The following HS3ST4 variants were observed in gnomAD, a reference collection of about 807,000 sequenced individuals.
HS3ST4 encodes heparan sulfate-glucosamine 3-sulfotransferase 4.
In HS3ST4, 17 loss-of-function variants were observed where a neutral mutation model predicts 29.2. The ratio of observed to expected loss-of-function variants is 0.58; its 90% confidence interval spans 0.40 to 0.87. The LOEUF is 0.87. HS3ST4 is among the 40% of genes least tolerant of loss of function. The pLI, the probability that HS3ST4 is intolerant of heterozygous loss-of-function variation, is 0.00. For missense variants in HS3ST4, 627 were observed against 634.5 expected (o/e 0.99, Z 0.13); for synonymous variants, 314 against 285.7 (o/e 1.10, Z -1.00).
intron 1 of HS3ST4, among the ~76,000 whole-genome samples, chr16:26,020,378 A>G (rs1969401248): frequency 6.6e-6 from 1 of 152,168 alleles, no homozygotes; most frequent in Non-Finnish European, 1.5e-5. Flanking sequence ...AGGCATTAGT[A>G]CATTGTGTCT....
chr16:25,754,903 G>A (rs1966746821), intron 1 of HS3ST4, among the ~76,000 whole-genome samples: 2 of 149,506 alleles, frequency 1.3e-5, no homozygotes, highest in South Asian at 2.1e-4. Context: ...CCATCAACCT[G>A]CCCATCCACC....
intron 1 of HS3ST4, among the ~76,000 whole-genome samples, chr16:26,075,802 A>G (rs1490535915): frequency 6.6e-6 from 1 of 152,158 alleles, no homozygotes; most frequent in Non-Finnish European, 1.5e-5. Flanking sequence ...GTTTTTCAAT[A>G]CTAGAAAGAA....
At chr16:25,909,335 T>C (rs1968212993) in intron 1 of HS3ST4, among the ~76,000 whole-genome samples, 1 of 152,044 alleles carries the variant, frequency 6.6e-6, no homozygotes, top group African/African-American at 2.4e-5. Context: ...ACTACAGGCA[T>C]GCACTACCGC....
chr16:25,879,721 G>A (rs767788871), intron 1 of HS3ST4, among the ~76,000 whole-genome samples: 3 of 152,044 alleles, frequency 2.0e-5, no homozygotes, highest in Non-Finnish European at 4.4e-5. Context: ...ATAAGTCTAA[G>A]GGTGATGTAT....
At chr16:25,994,591 A>G (rs538390548) in intron 1 of HS3ST4, among the ~76,000 whole-genome samples, 1 of 152,216 alleles carries the variant, frequency 6.6e-6, no homozygotes, top group Admixed American at 6.5e-5. Context: ...ATGTCTTTAA[A>G]TATGTTATTT....
chr16:26,122,861 C>T (rs1220292259), intron 1 of HS3ST4, among the ~76,000 whole-genome samples: 2 of 152,078 alleles, frequency 1.3e-5, no homozygotes, highest in Admixed American at 1.3e-4. Context: ...TTGAGACCAG[C>T]CTGACCAACA....
intron 1 of HS3ST4, among the ~76,000 whole-genome samples, chr16:25,786,460 T>A (rs2141617542): frequency 6.6e-6 from 1 of 152,322 alleles, no homozygotes; most frequent in South Asian, 2.1e-4. Context: ...AAGTACTCAA[T>A]CAGGTTACCA....
chr16:25,856,778 C>G (rs765743015), intron 1 of HS3ST4, among the ~76,000 whole-genome samples: 1 of 152,172 alleles, frequency 6.6e-6, no homozygotes, highest in Non-Finnish European at 1.5e-5. Flanking sequence ...AACCCCCATG[C>G]CTTACCTAAT....
chr16:26,135,835 A>G lies in HS3ST4; in HGVS notation c.958A>G (p.Thr320Ala). 1.2e-6 allele frequency: 2 copies of G among 1,613,878 alleles called. No individual in the cohort carries two copies. Among genetic ancestry groups the G allele is most frequent in the Non-Finnish European group, 1.7e-6 (2 of 1,179,864 alleles). Residue 320 changes from threonine to alanine, a missense_variant, in exon 2 of 2, where the codon ACC (threonine) becomes GCC (alanine). Coordinates refer to ENST00000331351, the MANE Select transcript of HS3ST4 (RefSeq NM_006040.3). ...TFEVLAFKNR[T>A]LGLIDASWSA... Reference sequence around the variant, plus strand: ...TGAGGTGCTGGCCTTCAAAAACCGGACCCTCGGGCTGATCGATGCTTCCTG... The same window carrying G: ...TGAGGTGCTGGCCTTCAAAAACCGGGCCCTCGGGCTGATCGATGCTTCCTG...
At chr16:25,834,718 G>T (rs1967339913) in intron 1 of HS3ST4, among the ~76,000 whole-genome samples, 1 of 152,192 alleles carries the variant, frequency 6.6e-6, no homozygotes, top group Non-Finnish European at 1.5e-5. Context: ...GGCCGAGGCA[G>T]GTGGATCACT....
At chr16:26,098,706 A>C (rs1898957370) in intron 1 of HS3ST4, among the ~76,000 whole-genome samples, 1 of 152,116 alleles carries the variant, frequency 6.6e-6, no homozygotes, top group Admixed American at 6.5e-5. Context: ...CATGTTGTGC[A>C]CATGTACCCC....
intron 1 of HS3ST4, among the ~76,000 whole-genome samples, chr16:25,844,079 ATG>A (rs920993965): frequency 1.4e-4 from 10 of 71,276 alleles, no homozygotes; most frequent in South Asian, 7.8e-4. Context: ...GATTTTTCAC[ATG>A]TTTGTTTTTT....
chr16:25,936,219 G>A (rs1194372444), intron 1 of HS3ST4, among the ~76,000 whole-genome samples: 2 of 152,226 alleles, frequency 1.3e-5, no homozygotes, highest in Non-Finnish European at 2.9e-5. Context: ...AGCACCTGGA[G>A]AGAGACTTCC....
intron 1 of HS3ST4, among the ~76,000 whole-genome samples, chr16:25,811,716 AG>A (rs1413802950): frequency 6.6e-6 from 1 of 152,160 alleles, no homozygotes; most frequent in African/African-American, 2.4e-5. Flanking sequence ...TACAGGCATG[AG>A]CCACTGCGCC....
intron 1 of HS3ST4, among the ~76,000 whole-genome samples, chr16:25,932,081 A>G (rs1165110997): frequency 6.6e-6 from 1 of 152,182 alleles, no homozygotes; most frequent in Admixed American, 6.5e-5. Flanking sequence ...TTGAGAGGCC[A>G]AAGCCAAAGA....
chr16:26,081,052 C>T (rs543601610), intron 1 of HS3ST4, among the ~76,000 whole-genome samples: 2 of 152,246 alleles, frequency 1.3e-5, no homozygotes, highest in African/African-American at 4.8e-5. Flanking sequence ...TTTGGAAGGT[C>T]AAGGCAGACA....
intron 1 of HS3ST4, among the ~76,000 whole-genome samples, chr16:25,747,562 A>T (rs1242050329): frequency 6.6e-6 from 1 of 152,222 alleles, no homozygotes; most frequent in Non-Finnish European, 1.5e-5. Context: ...CACGACTCTT[A>T]TCAGGCAGAT....
At chr16:25,774,742 A>G (rs1056467572) in intron 1 of HS3ST4, among the ~76,000 whole-genome samples, 6 of 152,162 alleles carry the variant, frequency 3.9e-5, no homozygotes, top group Non-Finnish European at 8.8e-5. Context: ...ATTACATTGG[A>G]CCACCTCTTC....
chr16:26,137,660 T>TTGTTATAAAGCTCAA lies in HS3ST4; in HGVS notation c.*1424_*1425insCAATGTTATAAAGCT. On this transcript the variant is annotated 3_prime_UTR_variant, in exon 2 of 2. Transcript: ENST00000331351. ...TTTCTCCCGCTAAATGAAAACCGTG[T>TTGTTATAAAGCTCAA]TGTTATAAAGCTTAATGCAACCTGA... 1 of 152,176 alleles carries TTGTTATAAAGCTCAA rather than the reference T, an allele frequency of 6.6e-6. No individual in the cohort carries two copies. Among genetic ancestry groups the TTGTTATAAAGCTCAA allele is most frequent in the East Asian group, 1.9e-4 (1 of 5,162 alleles). 9.4% of individuals were successfully genotyped at this position (152,176 alleles called of 1,614,324 possible). A position where few individuals can be genotyped will look rare whatever the true frequency, so the allele number is the denominator to read the frequency against.
Sources: gnomAD v4.1 joint callset for allele counts (sites outside exome capture counted in the v4.1 genomes callset) on GRCh38, gnomAD v4.1.1 for gene constraint, MANE v1.5 for transcripts, NCBI Gene and HGNC (gene_info 2026-07-23, HGNC 2026-07-21) for gene names.